TBC1D1: variants seen among roughly 807,000 people sequenced by gnomAD.
The protein encoded by TBC1D1 is TBC1 (tre-2/USP6, BUB2, cdc16) domain family, member 1.
Under a neutral mutation model 125.6 loss-of-function variants are expected in TBC1D1, and 89 were observed. The ratio of observed to expected loss-of-function variants is 0.71; its 90% CI spans 0.60 to 0.85. TBC1D1 has a LOEUF of 0.85. Ranked by LOEUF, TBC1D1 falls within the 40% of genes least tolerant of loss-of-function variation. The pLI, the probability that TBC1D1 is intolerant of heterozygous loss-of-function variation, is 0.00. For missense variants in TBC1D1, 1,377 were observed against 1,469.2 expected (o/e 0.94, Z 1.03); for synonymous variants, 565 against 564.1 (o/e 1.00, Z -0.02).
chr4:37,931,996 T>C (rs957960015), intron 2 of TBC1D1, among the ~76,000 whole-genome samples: 6 of 152,356 alleles, frequency 3.9e-5, no homozygotes, highest in Admixed American at 6.5e-5. Flanking sequence ...CAGCTTCTTT[T>C]GGTAGGATTT....
intron 2 of TBC1D1, among the ~76,000 whole-genome samples, chr4:37,954,390 TA>T (rs60350507): frequency 1.3e-3 from 186 of 148,090 alleles, no homozygotes; most frequent in African/African-American, 2.0e-3. Context: ...ATTCATTCAG[TA>T]AAAAAAAAAA....
At chr4:38,129,742 A>G (rs544245541) in intron 18 of TBC1D1, among the ~76,000 whole-genome samples, 1 of 152,338 alleles carries the variant, frequency 6.6e-6, no homozygotes, top group East Asian at 1.9e-4. Flanking sequence ...ACCGAAGAGG[A>G]GATATCTAGT....
chr4:38,042,932 C>T (rs1051892750), intron 8 of TBC1D1, among the ~76,000 whole-genome samples: 3 of 152,154 alleles, frequency 2.0e-5, no homozygotes, highest in Non-Finnish European at 2.9e-5. Flanking sequence ...GATGGAGTCT[C>T]GCTCTGTCGC....
intron 19 of TBC1D1, among the ~76,000 whole-genome samples, chr4:38,135,065 A>G (rs1766261981): frequency 6.6e-6 from 1 of 152,190 alleles, no homozygotes; most frequent in Non-Finnish European, 1.5e-5. Flanking sequence ...CTACGAAAAT[A>G]TGCCTCTCAT....
rs1381428897 is a variant in TBC1D1 at position 38,078,048 on chromosome 4, C to CA, written c.2051-11881dup. ...GACCTGGCTTAAAGTTAAAGAACAG[C>CA]AAAGATGAAAGGTGCCGCACAGCAG... On this transcript the variant is annotated intron_variant, in intron 12 of 19. Transcript: ENST00000261439. Among the ~76,000 whole-genome samples, 13 of 152,140 alleles carry CA rather than the reference C, an allele frequency of 8.5e-5. No homozygotes were observed. In the East Asian group the frequency reaches 2.3e-3, roughly 27 times the overall value.
chr4:37,948,812 A>G (rs1032066171), intron 2 of TBC1D1, among the ~76,000 whole-genome samples: 4 of 152,066 alleles, frequency 2.6e-5, no homozygotes, highest in Middle Eastern at 3.2e-3. Flanking sequence ...CCACAGATCT[A>G]CTTTTCATCA....
At chr4:37,959,858 G>A (rs9968494) in intron 2 of TBC1D1, among the ~76,000 whole-genome samples, 2 of 152,094 alleles carry the variant, frequency 1.3e-5, no homozygotes, top group Admixed American at 6.6e-5. Context: ...AGGGCCTCTC[G>A]GCTCTCCCCA....
intron 13 of TBC1D1, among the ~76,000 whole-genome samples, chr4:38,090,449 C>G (rs1475196819): frequency 1.3e-5 from 2 of 152,126 alleles, no homozygotes; most frequent in Non-Finnish European, 2.9e-5. Context: ...CTCTCTCTCT[C>G]TCTACTTTAT....
chr4:37,909,581 G>A (rs985252951), intron 2 of TBC1D1, among the ~76,000 whole-genome samples: 1 of 152,064 alleles, frequency 6.6e-6, no homozygotes, highest in Admixed American at 6.6e-5. Context: ...CACAGAGCTA[G>A]AGCATTTTGT....
chr4:38,026,146 A>T (rs150043385), intron 6 of TBC1D1, among the ~76,000 whole-genome samples: 1 of 152,206 alleles, frequency 6.6e-6, no homozygotes, highest in African/African-American at 2.4e-5. Flanking sequence ...ATAAAGTGTT[A>T]AGTGAAGTGG....
intron 1 of TBC1D1, among the ~76,000 whole-genome samples, chr4:37,898,009 A>G (rs966536384): frequency 1.3e-5 from 2 of 152,192 alleles, no homozygotes; most frequent in Admixed American, 6.5e-5. Flanking sequence ...TTTATTTTTT[A>G]TTTCTTGAAC....
Position 38,137,176 on chromosome 4 carries a change from G to A in TBC1D1, c.3348G>A (p.Glu1116=). The change falls in exon 20 of 20, where the codon GAG becomes GAA. Residue 1116 remains glutamate (E), a synonymous_variant. Coordinates refer to ENST00000261439, the MANE Select transcript of TBC1D1 (RefSeq NM_015173.4). Reference sequence around the variant, plus strand: ...TCCAAAGCCTTGAGGCCACCATTGAGAAGCTCCTGAGCAGTGAGAGCAAGC... The same window carrying A: ...TCCAAAGCCTTGAGGCCACCATTGAAAAGCTCCTGAGCAGTGAGAGCAAGC... 1 of 1,613,500 alleles carries A rather than the reference G, an allele frequency of 6.2e-7. No homozygotes were observed. The highest frequency in any genetic ancestry group is 8.5e-7 in the Non-Finnish European group (1 of 1,180,040).
intron 8 of TBC1D1, among the ~76,000 whole-genome samples, chr4:38,037,638 G>T (rs781199430): frequency 2.0e-4 from 30 of 152,204 alleles, no homozygotes; most frequent in South Asian, 4.1e-4. Flanking sequence ...TTTTGAAAAT[G>T]TGGGAAGATG....
chr4:37,942,859 T>C (rs921932576), intron 2 of TBC1D1, among the ~76,000 whole-genome samples: 13 of 152,178 alleles, frequency 8.5e-5, no homozygotes, highest in Admixed American at 6.5e-4. Flanking sequence ...TTGTTATATG[T>C]GAATTTGATC....
At chr4:37,910,671 G>T (rs1216406568) in intron 2 of TBC1D1, among the ~76,000 whole-genome samples, 1 of 152,116 alleles carries the variant, frequency 6.6e-6, no homozygotes, top group South Asian at 2.1e-4. Context: ...GGGCTGGGGA[G>T]TGAGGGGAGA....
At chr4:37,911,741 T>C (rs186273381) in intron 2 of TBC1D1, among the ~76,000 whole-genome samples, 10 of 152,284 alleles carry the variant, frequency 6.6e-5, no homozygotes, top group African/African-American at 2.2e-4. Flanking sequence ...CAACGCATGA[T>C]TGTGCCCTCA....
chr4:37,984,362 C>G (rs1360390640), intron 2 of TBC1D1, among the ~76,000 whole-genome samples: 1 of 152,096 alleles, frequency 6.6e-6, no homozygotes, highest in East Asian at 1.9e-4. Flanking sequence ...GTGCCTATAC[C>G]ATTTTGTATT....
At chr4:37,963,265 G>A (rs900408908) in intron 2 of TBC1D1, among the ~76,000 whole-genome samples, 1 of 152,238 alleles carries the variant, frequency 6.6e-6, no homozygotes, top group Admixed American at 6.5e-5. Context: ...TCTGCAGGCT[G>A]TACAGGAGGC....
In TBC1D1 at chr4:38,137,345, A is replaced by G; in HGVS notation, c.*10A>G. The G allele has an allele frequency of 6.2e-7, 1 of 1,608,502 alleles. No individual in the cohort carries two copies. Among genetic ancestry groups the G allele is most frequent in the South Asian group, 1.1e-5 (1 of 90,812 alleles). On this transcript the variant is annotated 3_prime_UTR_variant, in exon 20 of 20. Transcript: ENST00000261439. Reference sequence around the variant, plus strand: ...GCCCACGGGCGACTGACAGCTCTGCAGGAGAGATTGCAACACCATCCCACA... The same window carrying G: ...GCCCACGGGCGACTGACAGCTCTGCGGGAGAGATTGCAACACCATCCCACA...
Sources: gnomAD v4.1 joint callset for allele counts (sites outside exome capture counted in the v4.1 genomes callset) on GRCh38, gnomAD v4.1.1 for gene constraint, MANE v1.5 for transcripts, NCBI Gene and HGNC (gene_info 2026-07-23, HGNC 2026-07-21) for gene names.